CALN1: variants seen among roughly 807,000 people sequenced by gnomAD.
CALN1 encodes the protein calneuron 1.
In CALN1, 17 loss-of-function variants were observed where a neutral mutation model predicts 30.6. The observed-to-expected ratio is 0.56, with a 90% CI of 0.38 to 0.83. The LOEUF is 0.83. CALN1 is among the 40% of genes least tolerant of loss of function. The probability of loss-of-function intolerance (pLI) is 0.00; values close to 1 mark genes in which losing one functional copy is unlikely to be tolerated. For missense variants in CALN1, 291 were observed against 354.9 expected (o/e 0.82, Z 1.45); for synonymous variants, 156 against 131.4 (o/e 1.19, Z -1.28).
intron 3 of CALN1, among the ~76,000 whole-genome samples, chr7:72,117,581 T>C (rs1345393548): frequency 6.6e-6 from 1 of 152,062 alleles, no homozygotes; most frequent in Non-Finnish European, 1.5e-5. Flanking sequence ...TCAGGGTGCT[T>C]GGGGGTCCCT....
At position 71,986,664 on chromosome 7, in the gene CALN1, C is replaced by T. The variant is rs115502937; in HGVS notation, c.501+36993G>A. Among the ~76,000 whole-genome samples the T allele has an allele frequency of 4.5e-3, 689 of 151,950 alleles. 6 individuals are homozygous for T. The highest frequency in any genetic ancestry group is 0.016 in the African/African-American group (648 of 41,418). On this transcript the variant is annotated intron_variant, in intron 5 of 6. Coordinates refer to ENST00000395275, the MANE Select transcript of CALN1 (RefSeq NM_031468.4). The stretch of plus-strand genomic sequence containing the variant: ...TGGGAAAAAGAGAAGAACTTAAAAC[C>T]GGGAAGAAAACTAAGAGGACACAGA...
intron 3 of CALN1, among the ~76,000 whole-genome samples, chr7:72,113,080 G>A (rs1021568589): frequency 1.3e-5 from 2 of 152,136 alleles, no homozygotes; most frequent in Non-Finnish European, 2.9e-5. Context: ...GCACTAGGGC[G>A]ATGCTATAGT....
At chr7:72,342,983 G>A (rs1802454339) in intron 2 of CALN1, among the ~76,000 whole-genome samples, 2 of 152,166 alleles carry the variant, frequency 1.3e-5, no homozygotes, top group Non-Finnish European at 2.9e-5. Context: ...CTAGGGGTTT[G>A]CCACAAACTT....
intron 3 of CALN1, among the ~76,000 whole-genome samples, chr7:72,200,549 T>C (rs545109622): frequency 3.9e-5 from 6 of 152,226 alleles, no homozygotes; most frequent in Non-Finnish European, 7.4e-5. Flanking sequence ...AGTAGCTCCA[T>C]AACTAGCTCA....
intron 4 of CALN1, among the ~76,000 whole-genome samples, chr7:72,025,535 C>T (rs1801001234): frequency 6.6e-6 from 1 of 152,170 alleles, no homozygotes; most frequent in African/African-American, 2.4e-5. Flanking sequence ...TCAGCATCTG[C>T]TGGATCTTTC....
intron 5 of CALN1, among the ~76,000 whole-genome samples, chr7:71,896,846 T>C (rs1436372456): frequency 6.6e-6 from 1 of 152,206 alleles, no homozygotes; most frequent in East Asian, 1.9e-4. Context: ...GATAGCATTC[T>C]GCTCCCAAAC....
intron 3 of CALN1, among the ~76,000 whole-genome samples, chr7:72,220,296 G>GT (rs1313559721): frequency 3.3e-5 from 5 of 149,786 alleles, no homozygotes; most frequent in South Asian, 4.2e-4. Context: ...GTGGTGTTTG[G>GT]TTTTTTGTCC....
chr7:72,197,178 CTTTTTTTTTTT>C lies in CALN1; in HGVS notation c.244+81497_244+81507del, dbSNP rs386410439. On this transcript the variant is annotated intron_variant, in intron 3 of 6. Transcript: ENST00000395275. Reference sequence around the variant, plus strand: ...TTTTCATTGTCAAATGGAAGGTTTGCTTTTTTTTTTTTTTTTTTTTTTTTGAGACAGAGTCT... The same window carrying C: ...TTTTCATTGTCAAATGGAAGGTTTGCTTTTTTTTTTTTTGAGACAGAGTCT... 3.6e-3 allele frequency among the ~76,000 whole-genome samples: 229 copies of C among 64,234 alleles called. 1 individual carries two copies. Among genetic ancestry groups the C allele is most frequent in the African/African-American group, 0.014 (225 of 16,198 alleles). The allele number at this position is 64,234 out of a possible 152,430, so 42.1% of individuals were successfully genotyped here.
At chr7:71,946,862 T>G (rs779676407) in intron 5 of CALN1, among the ~76,000 whole-genome samples, 1 of 152,080 alleles carries the variant, frequency 6.6e-6, no homozygotes, top group East Asian at 1.9e-4. Context: ...TTCAGTCACC[T>G]GAAACTTTAG....
chr7:72,326,141 G>A (rs1461288511), intron 2 of CALN1, among the ~76,000 whole-genome samples: 1 of 152,204 alleles, frequency 6.6e-6, no homozygotes, highest in Non-Finnish European at 1.5e-5. Context: ...GGCCTCCCGA[G>A]GTCCGCCTGC....
At chr7:72,195,557 T>G (rs1330645553) in intron 3 of CALN1, among the ~76,000 whole-genome samples, 1 of 152,130 alleles carries the variant, frequency 6.6e-6, no homozygotes, top group Non-Finnish European at 1.5e-5. Flanking sequence ...TAAAAAAATT[T>G]TTTTAAGGAT....
intron 3 of CALN1, among the ~76,000 whole-genome samples, chr7:72,226,834 G>T (rs997690618): frequency 6.6e-5 from 10 of 152,158 alleles, no homozygotes; most frequent in African/African-American, 2.4e-4. Context: ...CTTGAGGTCA[G>T]GAGTTCGAGA....
chr7:72,434,412 T>C (rs370343112), intron 1 of CALN1, among the ~76,000 whole-genome samples: 97 of 149,618 alleles, frequency 6.5e-4, no homozygotes, highest in East Asian at 2.2e-3. Context: ...ATCACAGCTA[T>C]TCGGGAGGCT....
At chr7:71,978,211 G>A (rs1048232925) in intron 5 of CALN1, among the ~76,000 whole-genome samples, 3 of 146,858 alleles carry the variant, frequency 2.0e-5, no homozygotes, top group Admixed American at 6.9e-5. Flanking sequence ...AGGCAATCAC[G>A]ATGCTGAATC....
At chr7:72,369,508 T>A (rs978178125) in intron 2 of CALN1, among the ~76,000 whole-genome samples, 4 of 151,652 alleles carry the variant, frequency 2.6e-5, no homozygotes, top group African/African-American at 9.7e-5. Context: ...ATTACAGGCA[T>A]GCACCACCAC....
chr7:72,328,814 G>A (rs897257673), intron 2 of CALN1, among the ~76,000 whole-genome samples: 2 of 152,222 alleles, frequency 1.3e-5, no homozygotes, highest in Non-Finnish European at 2.9e-5. Flanking sequence ...TCCTGCCTCA[G>A]CCTCCCAAGG....
chr7:71,867,563 T>C (rs1791661747), intron 5 of CALN1, among the ~76,000 whole-genome samples: 1 of 152,116 alleles, frequency 6.6e-6, no homozygotes, highest in Non-Finnish European at 1.5e-5. Flanking sequence ...GCCTCCCAAG[T>C]AGCTGGGATT....
intron 5 of CALN1, among the ~76,000 whole-genome samples, chr7:71,870,933 T>C (rs1181072451): frequency 6.6e-6 from 1 of 152,190 alleles, no homozygotes; most frequent in Non-Finnish European, 1.5e-5. Flanking sequence ...CACCATACAC[T>C]TCCTATAGGC....
At chr7:71,898,730 G>GA (rs1793684812) in intron 5 of CALN1, among the ~76,000 whole-genome samples, 1 of 152,248 alleles carries the variant, frequency 6.6e-6, no homozygotes, top group African/African-American at 2.4e-5. Flanking sequence ...AGAGGCCACA[G>GA]AAAAAATAAG....
Sources: gnomAD v4.1 joint callset for allele counts (sites outside exome capture counted in the v4.1 genomes callset) on GRCh38, gnomAD v4.1.1 for gene constraint, MANE v1.5 for transcripts, NCBI Gene and HGNC (gene_info 2026-07-23, HGNC 2026-07-21) for gene names.